Variants in BBS4 observed in about 807,000 individuals in gnomAD.
BBS4 encodes the protein Bardet-Biedl syndrome 4.
A neutral mutation model predicts 71.4 loss-of-function variants in BBS4; 58 were observed. The observed-to-expected ratio is 0.81, with a 90% CI of 0.66 to 1.01. BBS4 has a LOEUF of 1.01. BBS4 is among the 50% of genes least tolerant of loss of function. The pLI is 0.00. For missense variants in BBS4, 660 were observed against 607.9 expected (o/e 1.09, Z -0.90); for synonymous variants, 228 against 216.8 (o/e 1.05, Z -0.46).
intron 8 of BBS4, among the ~76,000 whole-genome samples, chr15:72,726,124 CATTT>C (rs1048932534): frequency 7.1e-6 from 1 of 141,446 alleles, no homozygotes; most frequent in Admixed American, 7.0e-5. Context: ...TCCTTCCTTT[CATTT>C]ATTTCAACAG....
At chr15:72,716,989 A>G (rs1275738451) in intron 6 of BBS4, 139 bp downstream of exon 6, 2 of 711,414 alleles carry the variant, frequency 2.8e-6, no homozygotes, top group African/African-American at 3.6e-5. Flanking sequence ...TGATTTGTAT[A>G]AGTATAGGAT....
chr15:72,725,038 C>CTATATATA (rs67509027), intron 8 of BBS4, among the ~76,000 whole-genome samples: 2 of 135,568 alleles, frequency 1.5e-5, no homozygotes, highest in Non-Finnish European at 1.6e-5. Context: ...AAGCATCTGG[C>CTATATATA]TATATATATA....
intron 6 of BBS4, among the ~76,000 whole-genome samples, chr15:72,722,387 C>T (rs2065592847): frequency 6.6e-6 from 1 of 152,220 alleles, no homozygotes; most frequent in South Asian, 2.1e-4. Context: ...GTGTCACTAT[C>T]CAACTGTGTT....
intron 8 of BBS4, among the ~76,000 whole-genome samples, chr15:72,725,660 TC>T (rs1198096708): frequency 4.6e-5 from 7 of 150,722 alleles, no homozygotes; most frequent in Non-Finnish European, 7.4e-5. Flanking sequence ...GTATCTTTTT[TC>T]CCCCTTCCCC....
intron 2 of BBS4, among the ~76,000 whole-genome samples, chr15:72,708,784 C>CT (rs1384893473): frequency 6.6e-6 from 1 of 152,152 alleles, no homozygotes. Flanking sequence ...GCATGTCTGT[C>CT]TTATGCTGTT....
intron 2 of BBS4, among the ~76,000 whole-genome samples, chr15:72,696,700 A>T (rs563225387): frequency 6.8e-6 from 1 of 147,534 alleles, no homozygotes; most frequent in Non-Finnish European, 1.5e-5. Context: ...CTGGGTTCAA[A>T]TGGTTTTCCC....
chr15:72,731,867 C>A (rs2065832619), intron 12 of BBS4, 141 bp downstream of exon 12: 10 of 1,134,180 alleles, frequency 8.8e-6, no homozygotes, highest in Non-Finnish European at 1.1e-5. Flanking sequence ...TGTCCTGGAG[C>A]TTGAAGAAAT....
At position 72,688,065 on chromosome 15, in the gene BBS4, A is replaced by AAAAAG. The variant is rs1567392152; in HGVS notation, c.24+1819_24+1823dup. Among the ~76,000 whole-genome samples, 65 of 144,932 alleles carry AAAAAG rather than the reference A, an allele frequency of 4.5e-4. 1 individual carries two copies. Among genetic ancestry groups the AAAAAG allele is most frequent in the Middle Eastern group, 3.4e-3 (1 of 290 alleles). On this transcript the variant is annotated intron_variant, in intron 1 of 15. Transcript: ENST00000268057. The stretch of plus-strand genomic sequence containing the variant: ...CCGTCTCAAAAAAAAAAAAAAAAAA[A>AAAAAG]AAAAGAAAATACTTCTAAGTAATCT...
At chr15:72,730,861 C>G (rs185844593) in intron 10 of BBS4, among the ~76,000 whole-genome samples, 1 of 152,134 alleles carries the variant, frequency 6.6e-6, no homozygotes, top group Non-Finnish European at 1.5e-5. Flanking sequence ...GACTCGCCCT[C>G]TGTTCTACGG....
At chr15:72,726,330 T>G (rs531980131) in intron 8 of BBS4, among the ~76,000 whole-genome samples, 9 of 152,208 alleles carry the variant, frequency 5.9e-5, no homozygotes, top group African/African-American at 2.2e-4. Context: ...CAGGCTGGTC[T>G]CGAATTCCTG....
intron 3 of BBS4, among the ~76,000 whole-genome samples, 171 bp from the exon 4 acceptor site, chr15:72,712,073 T>C (rs1209173901): frequency 6.6e-6 from 1 of 152,134 alleles, no homozygotes; most frequent in East Asian, 1.9e-4. Flanking sequence ...TTCACCATAT[T>C]GGTTAGGCTG....
chr15:72,695,129 C>A, intron 1 of BBS4, 48 bp from the exon 2 acceptor site: 1 of 1,348,910 alleles, frequency 7.4e-7, no homozygotes, highest in Non-Finnish European at 1.1e-6. Context: ...TTTAAGTTAG[C>A]AAGTTTATAT....
chr15:72,691,946 G>A lies in BBS4; in HGVS notation c.25-3231G>A, dbSNP rs939980995. ...CCACTGCACTTCAGCTTGGCAGAGC[G>A]AGACTTCGTCTCAAAAAAAAAAAAA... On this transcript the variant is annotated intron_variant, in intron 1 of 15. Coordinates refer to ENST00000268057, the MANE Select transcript of BBS4 (RefSeq NM_033028.5). Among the ~76,000 whole-genome samples, 13 of 134,614 alleles carry A rather than the reference G, an allele frequency of 9.7e-5. No individual in the cohort carries two copies. The East Asian group carries it at 1.6e-3, about 16-fold the overall frequency. The allele number at this position is 134,614 out of a possible 152,430, so 88.3% of individuals were successfully genotyped here.
intron 12 of BBS4, among the ~76,000 whole-genome samples, chr15:72,733,933 GTT>G (rs2065874832): frequency 6.6e-6 from 1 of 152,186 alleles, no homozygotes; most frequent in Non-Finnish European, 1.5e-5. Context: ...TCACCAGGAT[GTT>G]ATATTTTGAG....
rs2065966022 is a variant in BBS4, at chr15:72,738,223, A to G, written c.*636A>G. The G allele has an allele frequency of 2.2e-6, 1 of 453,726 alleles. No homozygotes were observed. Among genetic ancestry groups the G allele is most frequent in the Non-Finnish European group, 4.4e-6 (1 of 226,724 alleles). 28.1% of individuals were successfully genotyped at this position (453,726 alleles called of 1,614,324 possible). A position where few individuals can be genotyped will look rare whatever the true frequency, so the allele number is the denominator to read the frequency against. Reference sequence around the variant, plus strand: ...CTTGAGAGGGGTCAGTCTAGAAGCTAGATCCTATCAGGATGAGGAGCAGCA... The same window carrying G: ...CTTGAGAGGGGTCAGTCTAGAAGCTGGATCCTATCAGGATGAGGAGCAGCA... On this transcript the variant is annotated 3_prime_UTR_variant, in exon 16 of 16. Transcript: ENST00000268057.
chr15:72,696,216 C>G (rs1205778436), intron 2 of BBS4, among the ~76,000 whole-genome samples: 1 of 151,840 alleles, frequency 6.6e-6, no homozygotes, highest in Non-Finnish European at 1.5e-5. Flanking sequence ...GTAAATTGAC[C>G]CGTTTGTCTT....
chr15:72,718,083 A>C (rs191998643), intron 6 of BBS4, among the ~76,000 whole-genome samples: 86 of 152,248 alleles, frequency 5.6e-4, no homozygotes, highest in African/African-American at 2.0e-3. Flanking sequence ...TCCTGACCTC[A>C]GGTGATTCAC....
intron 7 of BBS4, among the ~76,000 whole-genome samples, chr15:72,723,651 A>AG (rs2151033350): frequency 6.6e-6 from 1 of 152,346 alleles, no homozygotes. Context: ...GTGAAAAAAA[A>AG]TATGCACATT....
At chr15:72,720,096 TTTA>T (rs1466409123) in intron 6 of BBS4, among the ~76,000 whole-genome samples, 2 of 151,992 alleles carry the variant, frequency 1.3e-5, no homozygotes, top group African/African-American at 2.4e-5. Context: ...TCATGGCATT[TTTA>T]TTTTCTTTTT....
Sources: gnomAD v4.1 joint callset for allele counts (sites outside exome capture counted in the v4.1 genomes callset) on GRCh38, gnomAD v4.1.1 for gene constraint, MANE v1.5 for transcripts, NCBI Gene and HGNC (gene_info 2026-07-23, HGNC 2026-07-21) for gene names.